Variants in BTBD9 observed in about 807,000 individuals in gnomAD.
The protein encoded by BTBD9 is BTB domain containing 9.
A neutral mutation model predicts 64.3 loss-of-function variants in BTBD9; 49 were observed. The ratio of observed to expected loss-of-function variants is 0.76; its 90% CI spans 0.61 to 0.97. BTBD9 has a LOEUF of 0.97. Ranked by LOEUF, BTBD9 falls within the 50% of genes least tolerant of loss-of-function variation. The pLI is 0.00. For synonymous variants in BTBD9, 260 were observed against 274.7 expected (o/e 0.95, Z 0.53); for missense variants, 598 against 762.1 (o/e 0.78, Z 2.53).
chr6:38,301,465 A>T (rs1414630860), intron 7 of BTBD9, among the ~76,000 whole-genome samples: 1 of 152,152 alleles, frequency 6.6e-6, no homozygotes, highest in Non-Finnish European at 1.5e-5. Context: ...CTCTGGTAGA[A>T]TTTGGCTGTG....
intron 8 of BTBD9, among the ~76,000 whole-genome samples, chr6:38,265,688 T>C (rs1430373979): frequency 6.6e-6 from 1 of 151,936 alleles, no homozygotes; most frequent in Non-Finnish European, 1.5e-5. Flanking sequence ...TGGCTAATTT[T>C]TTGTATTTTT....
intron 6 of BTBD9, among the ~76,000 whole-genome samples, chr6:38,374,298 T>TATAC (rs1765568531): frequency 2.0e-5 from 1 of 50,828 alleles, no homozygotes; most frequent in African/African-American, 2.0e-4. Context: ...TATATATATG[T>TATAC]ATATATATGT....
intron 1 of BTBD9, among the ~76,000 whole-genome samples, chr6:38,629,802 A>G (rs1778300912): frequency 1.3e-5 from 2 of 152,110 alleles, no homozygotes; most frequent in South Asian, 2.1e-4. Context: ...AGCCTGGGCA[A>G]TAAGAATGAA....
chr6:38,533,407 T>C (rs867567568), intron 6 of BTBD9, among the ~76,000 whole-genome samples: 2 of 152,220 alleles, frequency 1.3e-5, no homozygotes, highest in Middle Eastern at 3.4e-3. Flanking sequence ...CACTCAGATA[T>C]ATAAAGCAAA....
At chr6:38,625,210 T>A (rs1161428282) in intron 1 of BTBD9, among the ~76,000 whole-genome samples, 1 of 152,210 alleles carries the variant, frequency 6.6e-6, no homozygotes, top group Non-Finnish European at 1.5e-5. Context: ...ATAAAATATT[T>A]CACCGTTTCA....
intron 1 of BTBD9, among the ~76,000 whole-genome samples, chr6:38,615,042 A>G (rs1777739449): frequency 6.6e-6 from 1 of 152,186 alleles, no homozygotes; most frequent in Non-Finnish European, 1.5e-5. Flanking sequence ...GGCCCTGCCT[A>G]ACTCTAATCA....
chr6:38,475,511 C>T (rs558335684), intron 6 of BTBD9, among the ~76,000 whole-genome samples: 13 of 152,298 alleles, frequency 8.5e-5, no homozygotes, highest in Middle Eastern at 3.4e-3. Context: ...ACATTTACTA[C>T]GCAAAGCACT....
At chr6:38,378,108 C>T (rs1381869019) in intron 6 of BTBD9, among the ~76,000 whole-genome samples, 1 of 152,194 alleles carries the variant, frequency 6.6e-6, no homozygotes, top group African/African-American at 2.4e-5. Context: ...TGGAGGACGA[C>T]TCTCGGGGAA....
At chr6:38,397,440 C>T (rs531405188) in intron 6 of BTBD9, among the ~76,000 whole-genome samples, 1 of 152,244 alleles carries the variant, frequency 6.6e-6, no homozygotes, top group South Asian at 2.1e-4. Context: ...TGAAAGATGA[C>T]GCCCAGCTTT....
chr6:38,473,558 A>G (rs1304768934), intron 6 of BTBD9, among the ~76,000 whole-genome samples: 1 of 152,208 alleles, frequency 6.6e-6, no homozygotes, highest in Admixed American at 6.5e-5. Context: ...TCTTATCGGT[A>G]GAACCAATAT....
chr6:38,337,811 A>G lies in BTBD9; in HGVS notation c.1264+7173T>C, dbSNP rs992603750. Among the ~76,000 whole-genome samples, 11 of 152,296 alleles carry G rather than the reference A, an allele frequency of 7.2e-5. No homozygotes were observed. The South Asian group carries it at 2.1e-3, about 29-fold the overall frequency. On this transcript the variant is annotated intron_variant, in intron 7 of 10. Transcript: ENST00000481247. ...GTCCTACACTGGATCTCAGAGGCTA[A>G]ACCTTTGAAAACTACGGTTTCCCAG...
At chr6:38,239,997 G>T (rs377314998) in intron 9 of BTBD9, among the ~76,000 whole-genome samples, 1 of 152,178 alleles carries the variant, frequency 6.6e-6, no homozygotes, top group African/African-American at 2.4e-5. Flanking sequence ...GATAGCCAAG[G>T]TTATTGTTGG....
At chr6:38,616,643 G>T (rs1419370650) in intron 1 of BTBD9, among the ~76,000 whole-genome samples, 2 of 152,210 alleles carry the variant, frequency 1.3e-5, no homozygotes, top group East Asian at 1.9e-4. Flanking sequence ...GCACGAATCA[G>T]CAGGATTCTA....
intron 6 of BTBD9, among the ~76,000 whole-genome samples, chr6:38,535,483 T>C (rs1562309785): frequency 6.6e-6 from 1 of 152,122 alleles, no homozygotes. Context: ...AATGACATTT[T>C]TGACAGAAAT....
At chr6:38,426,791 T>C (rs981408405) in intron 6 of BTBD9, among the ~76,000 whole-genome samples, 13 of 151,714 alleles carry the variant, frequency 8.6e-5, no homozygotes, top group South Asian at 2.1e-4. Flanking sequence ...CAAGATTCCA[T>C]TTCTTGGAAT....
intron 8 of BTBD9, among the ~76,000 whole-genome samples, chr6:38,284,952 C>T (rs953701023): frequency 7.1e-6 from 1 of 139,946 alleles, no homozygotes; most frequent in African/African-American, 2.6e-5. Context: ...ATGCTCTTAT[C>T]GCTGGATAGG....
chr6:38,319,815 C>T (rs2127575282), intron 7 of BTBD9, among the ~76,000 whole-genome samples: 1 of 152,180 alleles, frequency 6.6e-6, no homozygotes, highest in South Asian at 2.1e-4. Flanking sequence ...CACTAGGTTG[C>T]ATACTCCCCA....
intron 6 of BTBD9, among the ~76,000 whole-genome samples, chr6:38,459,365 C>T (rs963406477): frequency 3.3e-5 from 5 of 152,212 alleles, no homozygotes; most frequent in South Asian, 2.1e-4. Flanking sequence ...TATCCATGAG[C>T]TCTCCCACAA....
intron 6 of BTBD9, among the ~76,000 whole-genome samples, chr6:38,380,176 T>G (rs4140443): frequency 0.37 from 56,345 of 152,020 alleles, 12,703 homozygotes; most frequent in East Asian, 0.82. Context: ...GAAATGAAAT[T>G]ATTTTCAAGA....
Sources: gnomAD v4.1 joint callset for allele counts (sites outside exome capture counted in the v4.1 genomes callset) on GRCh38, gnomAD v4.1.1 for gene constraint, MANE v1.5 for transcripts, NCBI Gene and HGNC (gene_info 2026-07-23, HGNC 2026-07-21) for gene names.